Variants in DNAH3 observed in about 807,000 individuals in gnomAD.
DNAH3 encodes the protein axonemal beta dynein heavy chain 3.
Under a neutral mutation model 432.5 loss-of-function variants are expected in DNAH3, and 332 were observed. That is an observed-to-expected ratio of 0.77 (90% CI 0.70 to 0.84). DNAH3 has a LOEUF of 0.84. Among genes scored for constraint, DNAH3 ranks in the 40% least tolerant of loss-of-function variants. The pLI, the probability that DNAH3 is intolerant of heterozygous loss-of-function variation, is 0.00. For missense variants in DNAH3, 4,861 were observed against 5,114.0 expected (o/e 0.95, Z 1.51); for synonymous variants, 1,956 against 1,900.2 (o/e 1.03, Z -0.76).
At chr16:21,028,408 C>A (rs1372248477) in intron 37 of DNAH3, among the ~76,000 whole-genome samples, 1 of 151,168 alleles carries the variant, frequency 6.6e-6, no homozygotes, top group Non-Finnish European at 1.5e-5. Context: ...GTGATCCCAG[C>A]ACAGCACTTT....
At chr16:21,053,250 C>T (rs1035851288) in intron 28 of DNAH3, among the ~76,000 whole-genome samples, 1 of 152,074 alleles carries the variant, frequency 6.6e-6, no homozygotes, top group African/African-American at 2.4e-5. Context: ...AGATTATATC[C>T]ACAGCTTTTT....
chr16:21,080,444 T>C (rs1191047249), intron 20 of DNAH3, among the ~76,000 whole-genome samples: 1 of 152,206 alleles, frequency 6.6e-6, no homozygotes, highest in Non-Finnish European at 1.5e-5. Flanking sequence ...TATTAAAAAT[T>C]GTTAGGTATT....
intron 1 of DNAH3, chr16:21,159,303 G>C (rs752355132): frequency 1.8e-5 from 28 of 1,599,544 alleles, no homozygotes; most frequent in Non-Finnish European, 1.1e-5. Flanking sequence ...TGTGCCTTCT[G>C]GGACGCGGAC....
intron 19 of DNAH3, among the ~76,000 whole-genome samples, chr16:21,085,774 C>G (rs2091349287): frequency 6.6e-6 from 1 of 151,922 alleles, no homozygotes; most frequent in Admixed American, 6.6e-5. Context: ...AGAATTTCCT[C>G]AGTCTTATAC....
chr16:21,082,822 C>T (rs1160219851), intron 19 of DNAH3, among the ~76,000 whole-genome samples: 1 of 47,660 alleles, frequency 2.1e-5, no homozygotes, highest in African/African-American at 9.1e-5. Context: ...AGTGAGACTC[C>T]ATCTCAAAAA....
At chr16:21,039,629 A>G (rs1227779800) in intron 33 of DNAH3, among the ~76,000 whole-genome samples, 1 of 152,126 alleles carries the variant, frequency 6.6e-6, no homozygotes, top group Non-Finnish European at 1.5e-5. Context: ...AGGTGTATGT[A>G]AAGAGACAGC....
intron 57 of DNAH3, among the ~76,000 whole-genome samples, chr16:20,945,904 G>T (rs940810920): frequency 6.6e-6 from 1 of 152,100 alleles, no homozygotes; most frequent in East Asian, 1.9e-4. Flanking sequence ...ACCCCCTTCC[G>T]ATAATAAAAC....
rs9302391 is a variant in DNAH3, at chr16:21,139,320, C to CTTTTTTTTTTTTTTTTTTTTTTTTTTTT, written c.696+1188_696+1215dup. Among the ~76,000 whole-genome samples, 6 of 29,630 alleles carry CTTTTTTTTTTTTTTTTTTTTTTTTTTTT rather than the reference C, an allele frequency of 2.0e-4. 2 individuals carry two copies. The highest frequency in any genetic ancestry group is 6.4e-4 in the Admixed American group (1 of 1,574). The allele number at this position is 29,630 out of a possible 152,430, so 19.4% of individuals were successfully genotyped here. On this transcript the variant is annotated intron_variant, in intron 5 of 61. Coordinates refer to ENST00000261383, the Ensembl canonical transcript of DNAH3. ...AATGTAGCTTGAGACTTTCCTCATG[C>CTTTTTTTTTTTTTTTTTTTTTTTTTTTT]TTTTTTTTTTTTTTTTTTTTTTTTT...
chr16:21,084,193 G>C (rs113086048), intron 19 of DNAH3, among the ~76,000 whole-genome samples: 2,344 of 152,076 alleles, frequency 0.015, 61 homozygotes, highest in African/African-American at 0.053. Flanking sequence ...CACTTCAAAG[G>C]CCTGTTTTAA....
At chr16:21,126,056 G>A (rs972845367) in intron 8 of DNAH3, among the ~76,000 whole-genome samples, 1 of 152,272 alleles carries the variant, frequency 6.6e-6, no homozygotes, top group East Asian at 1.9e-4. Flanking sequence ...CCAGCTACTT[G>A]GGAGGCTGAG....
chr16:20,983,069 T>C (rs1259293553), intron 48 of DNAH3, among the ~76,000 whole-genome samples, 183 bp from the exon 49 acceptor site: 1 of 152,124 alleles, frequency 6.6e-6, no homozygotes, highest in African/African-American at 2.4e-5. Context: ...TAGTGGGATA[T>C]TTTCACTTAA....
Position 21,081,626 on chromosome 16 carries a change from A to G in DNAH3, c.2969+10T>C. On this transcript the variant is annotated intron_variant, in intron 20 of 61. Transcript: ENST00000261383. ...CAAAACCTTATCTGAAGGAGGGGATAAGCCCTTACTTTTCAACGAATTTGC... is the reference window on the plus strand; with the variant it reads ...CAAAACCTTATCTGAAGGAGGGGATGAGCCCTTACTTTTCAACGAATTTGC... 2 of 1,610,798 alleles carry G rather than the reference A, an allele frequency of 1.2e-6. No homozygotes were observed. The highest frequency in any genetic ancestry group is 1.7e-6 in the Non-Finnish European group (2 of 1,177,168).
At chr16:21,017,913 C>T (rs1289086975) in intron 41 of DNAH3, among the ~76,000 whole-genome samples, 1 of 152,006 alleles carries the variant, frequency 6.6e-6, no homozygotes, top group East Asian at 1.9e-4. Flanking sequence ...CATTTGTATA[C>T]TCACCTTCTA....
intron 41 of DNAH3, among the ~76,000 whole-genome samples, chr16:21,017,896 C>A (rs1196220713): frequency 6.6e-6 from 1 of 152,010 alleles, no homozygotes; most frequent in Non-Finnish European, 1.5e-5. Context: ...AGACATTGTA[C>A]AGTGAACATT....
intron 18 of DNAH3, among the ~76,000 whole-genome samples, chr16:21,096,689 A>G (rs1367754376): frequency 6.6e-6 from 1 of 151,952 alleles, no homozygotes; most frequent in Non-Finnish European, 1.5e-5. Context: ...TTTCCCAACA[A>G]ATCTGTCACT....
At chr16:21,108,552 T>C (rs2091998540) in intron 14 of DNAH3, among the ~76,000 whole-genome samples, 1 of 151,934 alleles carries the variant, frequency 6.6e-6, no homozygotes, top group East Asian at 1.9e-4. Context: ...GAGACCAGCC[T>C]GGGCAAATGG....
At chr16:21,151,976 T>C (rs2092857475) in intron 1 of DNAH3, among the ~76,000 whole-genome samples, 2 of 152,154 alleles carry the variant, frequency 1.3e-5, no homozygotes, top group African/African-American at 2.4e-5. Context: ...GGTTCATGCC[T>C]GTAATCCCAG....
intron 20 of DNAH3, among the ~76,000 whole-genome samples, chr16:21,080,005 T>C (rs2091123784): frequency 6.6e-6 from 1 of 152,024 alleles, no homozygotes; most frequent in Non-Finnish European, 1.5e-5. Flanking sequence ...AAATATAGAG[T>C]GAGCCACATA....
intron 6 of DNAH3, among the ~76,000 whole-genome samples, chr16:21,135,698 G>A (rs113484152): frequency 3.3e-3 from 506 of 151,808 alleles, no homozygotes; most frequent in African/African-American, 0.011. Context: ...CTGCACTTCA[G>A]CCTGGGCGAC....
Sources: gnomAD v4.1 joint callset for allele counts (sites outside exome capture counted in the v4.1 genomes callset) on GRCh38, gnomAD v4.1.1 for gene constraint, MANE v1.5 for transcripts, NCBI Gene and HGNC (gene_info 2026-07-23, HGNC 2026-07-21) for gene names.